FGGY: variants seen among roughly 807,000 people sequenced by gnomAD.
The protein encoded by FGGY is FGGY carbohydrate kinase domain-containing protein.
A neutral mutation model predicts 71.3 loss-of-function variants in FGGY; 72 were observed. The observed-to-expected ratio is 1.01, with a 90% CI of 0.84 to 1.23. FGGY has a LOEUF of 1.23. FGGY is among the 50% of genes most tolerant of loss of function. The probability of loss-of-function intolerance (pLI) is 0.00; values close to 1 mark genes in which losing one functional copy is unlikely to be tolerated. For missense variants in FGGY, 668 were observed against 682.3 expected (o/e 0.98, Z 0.23); for synonymous variants, 251 against 250.3 (o/e 1.00, Z -0.02).
intron 5 of FGGY, among the ~76,000 whole-genome samples, chr1:59,407,992 G>T (rs530711441): frequency 6.6e-6 from 1 of 152,284 alleles, no homozygotes; most frequent in African/African-American, 2.4e-5. Context: ...CTTTGCTGTG[G>T]TATTTTGTTT....
chr1:59,411,126 T>C (rs147323877), intron 5 of FGGY, among the ~76,000 whole-genome samples: 4 of 152,380 alleles, frequency 2.6e-5, no homozygotes, highest in African/African-American at 9.6e-5. Flanking sequence ...ACAATACATT[T>C]ACTAGTCATA....
intron 14 of FGGY, among the ~76,000 whole-genome samples, chr1:59,705,105 G>A (rs920184680): frequency 2.6e-5 from 4 of 152,082 alleles, no homozygotes; most frequent in African/African-American, 9.7e-5. Context: ...CTATAGGGTT[G>A]TTTGTCCTTT....
intron 6 of FGGY, among the ~76,000 whole-genome samples, chr1:59,465,148 A>G (rs1480622625): frequency 6.6e-6 from 1 of 152,234 alleles, no homozygotes; most frequent in Admixed American, 6.5e-5. Context: ...GCAGCACATC[A>G]AAAAGTTTGT....
At chr1:59,607,738 G>T (rs1200799284) in intron 8 of FGGY, 65 bp from the exon 9 acceptor site, 4 of 1,239,378 alleles carry the variant, frequency 3.2e-6, no homozygotes, top group South Asian at 1.3e-5. Context: ...GAAATATTAG[G>T]AGGAGAACCC....
rs60630091 is a variant in FGGY, at chr1:59,298,610, C to T, written c.-15+1460C>T. Among the ~76,000 whole-genome samples the T allele has an allele frequency of 3.3e-3, 499 of 152,232 alleles. 1 individual carries two copies. Among genetic ancestry groups the T allele is most frequent in the African/African-American group, 0.012 (481 of 41,534 alleles). ...TTTCACTTATTAGTTTAAATAGTTCCCTTTACCTAACCTTTCACTTATTGA... is the reference window on the plus strand; with the variant it reads ...TTTCACTTATTAGTTTAAATAGTTCTCTTTACCTAACCTTTCACTTATTGA... On this transcript the variant is annotated intron_variant, in intron 1 of 15. Coordinates refer to ENST00000303721, the MANE Select transcript of FGGY (RefSeq NM_018291.5).
chr1:59,657,140 A>T (rs976295918), intron 11 of FGGY, among the ~76,000 whole-genome samples: 2 of 152,188 alleles, frequency 1.3e-5, no homozygotes, highest in Non-Finnish European at 2.9e-5. Flanking sequence ...GGATATCAGA[A>T]CCCATTACAT....
In FGGY at chr1:59,303,414, C is replaced by T. The variant is rs185507184; in HGVS notation, c.-15+6264C>T. Among the ~76,000 whole-genome samples the T allele has an allele frequency of 1.4e-3, 210 of 152,122 alleles. 1 individual carries two copies. Among genetic ancestry groups the T allele is most frequent in the African/African-American group, 4.7e-3 (197 of 41,538 alleles). Reference sequence around the variant, plus strand: ...AGGATGTTGTACTCTTAAGTTCATCCGTATTGTGGCAAATGGCAGGAATCT... The same window carrying T: ...AGGATGTTGTACTCTTAAGTTCATCTGTATTGTGGCAAATGGCAGGAATCT... On this transcript the variant is annotated intron_variant, in intron 1 of 15. Coordinates refer to ENST00000303721, the MANE Select transcript of FGGY (RefSeq NM_018291.5).
At chr1:59,405,127 G>A (rs1158317209) in intron 5 of FGGY, among the ~76,000 whole-genome samples, 3 of 152,134 alleles carry the variant, frequency 2.0e-5, no homozygotes, top group Non-Finnish European at 4.4e-5. Context: ...AAGGCATTCC[G>A]CAAGTGTTTT....
rs529789541 is a variant in FGGY at position 59,454,803 on chromosome 1, C to A, written c.555-2158C>A. On this transcript the variant is annotated intron_variant, in intron 5 of 15. Transcript: ENST00000303721. ...ATTAAACTTTCAGCTTCTGTGACTGCAAAAGACTAGATATTTTGCATACCA... is the reference window on the plus strand; with the variant it reads ...ATTAAACTTTCAGCTTCTGTGACTGAAAAAGACTAGATATTTTGCATACCA... 2.0e-5 allele frequency among the ~76,000 whole-genome samples: 3 copies of A among 152,324 alleles called. No individual in the cohort carries two copies. In the East Asian group the frequency reaches 5.8e-4, roughly 29 times the overall value.
intron 5 of FGGY, among the ~76,000 whole-genome samples, chr1:59,441,998 C>T (rs1050134182): frequency 7.2e-5 from 11 of 152,186 alleles, no homozygotes; most frequent in African/African-American, 1.4e-4. Flanking sequence ...CCAAGTGAAG[C>T]TTCCTTAATA....
chr1:59,555,416 C>A (rs2095669222), intron 8 of FGGY, among the ~76,000 whole-genome samples: 1 of 152,182 alleles, frequency 6.6e-6, no homozygotes, highest in East Asian at 1.9e-4. Context: ...GTCCCAGATT[C>A]CTCATCTACA....
Position 59,721,325 on chromosome 1 carries a change from T to G in FGGY, c.1513-36606T>G, listed in dbSNP as rs540847791. Among the ~76,000 whole-genome samples, 361 of 133,764 alleles carry G rather than the reference T, an allele frequency of 2.7e-3. 1 individual carries two copies. Among genetic ancestry groups the G allele is most frequent in the African/African-American group, 9.4e-3 (347 of 36,920 alleles). The allele number at this position is 133,764 out of a possible 152,430, so 87.8% of individuals were successfully genotyped here. Reference sequence around the variant, plus strand: ...TGAAGATGATACAGAGAGTTTTTCTTTTCTTTCCTTTGTTTTTTTTTTTTT... The same window carrying G: ...TGAAGATGATACAGAGAGTTTTTCTGTTCTTTCCTTTGTTTTTTTTTTTTT... On this transcript the variant is annotated intron_variant, in intron 14 of 15. Transcript: ENST00000303721.
chr1:59,627,694 C>A (rs1407443856), intron 10 of FGGY, among the ~76,000 whole-genome samples: 1 of 151,714 alleles, frequency 6.6e-6, no homozygotes, highest in Non-Finnish European at 1.5e-5. Context: ...TAAAAGTAAT[C>A]AGGACTTCTT....
chr1:59,329,424 C>T (rs2048033255), intron 2 of FGGY, among the ~76,000 whole-genome samples: 1 of 152,198 alleles, frequency 6.6e-6, no homozygotes, highest in Non-Finnish European at 1.5e-5. Flanking sequence ...AGGGTTGCCA[C>T]AGACGTTCAA....
chr1:59,581,708 G>A (rs1268719121), intron 8 of FGGY, among the ~76,000 whole-genome samples: 1 of 149,846 alleles, frequency 6.7e-6, no homozygotes, highest in Non-Finnish European at 1.5e-5. Context: ...AATATTTGGT[G>A]TTATTTAATC....
intron 5 of FGGY, among the ~76,000 whole-genome samples, chr1:59,429,701 T>TAC (rs762975316): frequency 1.3e-5 from 2 of 152,124 alleles, no homozygotes. Flanking sequence ...TATGCATGTA[T>TAC]ACACACACAC....
chr1:59,473,550 C>T (rs979285904), intron 6 of FGGY, among the ~76,000 whole-genome samples: 1 of 152,148 alleles, frequency 6.6e-6, no homozygotes, highest in Non-Finnish European at 1.5e-5. Flanking sequence ...AGTGCAGGCA[C>T]AGACATGGAG....
At chr1:59,468,917 A>T (rs2092793083) in intron 6 of FGGY, among the ~76,000 whole-genome samples, 1 of 151,234 alleles carries the variant, frequency 6.6e-6, no homozygotes. Context: ...TGAACTAATG[A>T]TAGGTATATG....
intron 8 of FGGY, among the ~76,000 whole-genome samples, chr1:59,558,299 A>C (rs2153712397): frequency 6.6e-6 from 1 of 152,330 alleles, no homozygotes; most frequent in East Asian, 1.9e-4. Context: ...ATGAACTCAT[A>C]TTGGGGGAAC....
Sources: gnomAD v4.1 joint callset for allele counts (sites outside exome capture counted in the v4.1 genomes callset) on GRCh38, gnomAD v4.1.1 for gene constraint, MANE v1.5 for transcripts, NCBI Gene and HGNC (gene_info 2026-07-23, HGNC 2026-07-21) for gene names.